Variants in CNOT3 observed in about 807,000 individuals in gnomAD.
CNOT3 encodes the protein CCR4-NOT transcription complex subunit 3, also known as CCR4-associated factor 3.
In CNOT3, 2 loss-of-function variants were observed where a neutral mutation model predicts 89.4. The ratio of observed to expected loss-of-function variants is 0.02; its 90% CI spans 0.01 to 0.07. CNOT3 has a LOEUF of 0.07. CNOT3 is among the 10% of genes least tolerant of loss of function. The pLI, the probability that CNOT3 is intolerant of heterozygous loss-of-function variation, is 1.00. For synonymous variants in CNOT3, 486 were observed against 402.0 expected (o/e 1.21, Z -2.50); for missense variants, 664 against 1,010.2 (o/e 0.66, Z 4.65).
intron 13 of CNOT3, 60 bp downstream of exon 13, chr19:54,149,818 A>G: frequency 6.7e-7 from 1 of 1,496,134 alleles, no homozygotes; most frequent in East Asian, 2.6e-5. Flanking sequence ...TCTTTCCTCC[A>G]GGTCTCTAGC....
intron 17 of CNOT3, 59 bp downstream of exon 17, chr19:54,153,899 C>T (rs557391970): frequency 1.2e-6 from 2 of 1,611,542 alleles, no homozygotes; most frequent in South Asian, 1.1e-5. Context: ...CCCCAGGCTC[C>T]AGGCAGCCCC....
chr19:54,153,612 G>A (rs2075263824), intron 16 of CNOT3, 103 bp from the exon 17 acceptor site: 5 of 869,294 alleles, frequency 5.8e-6, no homozygotes, highest in Non-Finnish European at 1.0e-5. Context: ...ACTGTGGTCT[G>A]TGGCGGGGGC....
intron 16 of CNOT3, 146 bp from the exon 17 acceptor site, chr19:54,153,569 C>T: frequency 3.8e-6 from 3 of 782,762 alleles, no homozygotes; most frequent in Admixed American, 1.7e-5. Context: ...TTCTGTGCCC[C>T]CAGCCCCATC....
chr19:54,149,964 CTT>C (rs1186871648), intron 13 of CNOT3, among the ~76,000 whole-genome samples: 6 of 152,148 alleles, frequency 3.9e-5, no homozygotes, highest in Non-Finnish European at 8.8e-5. Flanking sequence ...TACCTCCTCT[CTT>C]GTTCCCTCCA....
At chr19:54,146,100 G>A in intron 9 of CNOT3, 57 bp downstream of exon 9, 2 of 1,591,958 alleles carry the variant, frequency 1.3e-6, no homozygotes, top group Admixed American at 3.4e-5. Flanking sequence ...GACTCGAGGA[G>A]ACAAATCTGG....
intron 13 of CNOT3, 130 bp from the exon 14 acceptor site, chr19:54,152,096 T>C: frequency 1.2e-6 from 1 of 811,442 alleles, no homozygotes; most frequent in South Asian, 1.6e-5. Flanking sequence ...CATGGGTAGA[T>C]TGTGGGGAGT....
chr19:54,143,609 C>T lies in CNOT3; in HGVS notation c.169-51C>T, dbSNP rs750091846. ...GGTCCCAGGGAGAAGGAGCTGTGGGCCCCAGTTCCTGGGTCCTGAGGTCTG... is the reference window on the plus strand; with the variant it reads ...GGTCCCAGGGAGAAGGAGCTGTGGGTCCCAGTTCCTGGGTCCTGAGGTCTG... On this transcript the variant is annotated intron_variant, in intron 4 of 17. Coordinates refer to ENST00000221232, the MANE Select transcript of CNOT3 (RefSeq NM_014516.4). 3.1e-6 allele frequency: 5 copies of T among 1,602,694 alleles called. No homozygotes were observed. The South Asian group carries it at 5.5e-5, about 18-fold the overall frequency.
chr19:54,147,269 AGCATGG>A (rs1304480592), intron 10 of CNOT3, among the ~76,000 whole-genome samples: 2 of 152,276 alleles, frequency 1.3e-5, no homozygotes, highest in Non-Finnish European at 2.9e-5. Flanking sequence ...AGGCAGGAGC[AGCATGG>A]GCCTGAGGCC....
chr19:54,138,765 C>T (rs1034161250), intron 1 of CNOT3, among the ~76,000 whole-genome samples: 1 of 152,256 alleles, frequency 6.6e-6, no homozygotes, highest in African/African-American at 2.4e-5. Flanking sequence ...CGAGTAGCGC[C>T]CTGGGTGGCT....
intron 17 of CNOT3, chr19:54,154,423 TA>T (rs1356533750): frequency 4.6e-6 from 1 of 216,088 alleles, no homozygotes; most frequent in African/African-American, 2.3e-5. Context: ...AACTTATCTG[TA>T]AAAATGGGGG....
At chr19:54,146,122 G>C in intron 9 of CNOT3, 79 bp downstream of exon 9, 1 of 1,526,914 alleles carries the variant, frequency 6.5e-7, no homozygotes, top group Non-Finnish European at 8.9e-7. Flanking sequence ...TCACTCCAAA[G>C]TGGCTATGGG....
rs1354216678 is a variant in CNOT3 at position 54,145,068 on chromosome 19, A to G, written c.484-530A>G. On this transcript the variant is annotated intron_variant, in intron 7 of 17. Transcript: ENST00000221232. The surrounding 1 kb of genome is among the most constrained non-coding windows in gnomAD (Gnocchi z 5.9). ...GATGTTAAATCCTAAAGGGGCCTTG[A>G]GGGGAGGGCAGGAGCGAGGCTTAGG... Among the ~76,000 whole-genome samples the G allele has an allele frequency of 6.6e-6, 1 of 151,932 alleles. No individual in the cohort carries two copies. Among genetic ancestry groups the G allele is most frequent in the Non-Finnish European group, 1.5e-5 (1 of 67,976 alleles).
chr19:54,153,529 A>G (rs748290687), intron 16 of CNOT3, 186 bp from the exon 17 acceptor site: 6 of 778,696 alleles, frequency 7.7e-6, no homozygotes, highest in East Asian at 2.4e-5. Flanking sequence ...CTCCTGTCTC[A>G]TTTTCCTTCT....
chr19:54,138,872 G>C (rs2074333493), intron 1 of CNOT3, among the ~76,000 whole-genome samples: 1 of 152,314 alleles, frequency 6.6e-6, no homozygotes, highest in South Asian at 2.1e-4. Context: ...TGTGGCCCAC[G>C]TCTGGTCTCA....
intron 1 of CNOT3, among the ~76,000 whole-genome samples, chr19:54,139,266 C>T (rs115795865): frequency 6.6e-6 from 1 of 152,264 alleles, no homozygotes; most frequent in South Asian, 2.1e-4. Context: ...ACACCAGTCT[C>T]CTCCTTTAGG....
intron 16 of CNOT3, chr19:54,153,386 C>A: frequency 1.3e-6 from 1 of 767,930 alleles, no homozygotes; most frequent in Non-Finnish European, 2.4e-6. Flanking sequence ...AGCCCCCTCC[C>A]AACCCCAGTG....
intron 13 of CNOT3, among the ~76,000 whole-genome samples, chr19:54,150,317 C>T (rs1473249450): frequency 2.0e-5 from 3 of 152,170 alleles, no homozygotes; most frequent in African/African-American, 7.2e-5. Flanking sequence ...GGGCTAACAG[C>T]TGCAGGAAGG....
In CNOT3 at chr19:54,144,074, C is replaced by A. The variant is rs1229933879; in HGVS notation, c.327C>A (p.Gly109=). The change falls in exon 6 of 18, where the codon GGC becomes GGA. Residue 109 remains glycine (G), a synonymous_variant. Transcript: ENST00000221232. The surrounding 1 kb of genome is among the most constrained non-coding windows in gnomAD (Gnocchi z 4.8). ...AAGCTTACAGCAAAGAGGGCCTGGG[C>A]CTGGCCCAGAAGGTAGATCCTGCCC... ...KTKAYSKEGL[G]LAQKVDPAQK... 1 of 1,602,968 alleles carries A rather than the reference C, an allele frequency of 6.2e-7. No homozygotes were observed. The highest frequency in any genetic ancestry group is 8.5e-7 in the Non-Finnish European group (1 of 1,176,756).
At chr19:54,143,068 G>C in intron 2 of CNOT3, 51 bp from the exon 3 acceptor site, 1 of 1,612,868 alleles carries the variant, frequency 6.2e-7, no homozygotes, top group East Asian at 2.2e-5. Context: ...CTGCTCTTTA[G>C]ATACCTGCCA....
Sources: allele counts gnomAD v4.1 joint callset (sites outside exome capture counted in the v4.1 genomes callset), GRCh38; gene constraint gnomAD v4.1.1; non-coding constraint Gnocchi (gnomAD v3.1); transcripts MANE v1.5; gene names NCBI Gene and HGNC (gene_info 2026-07-23, HGNC 2026-07-21).